The following RADIL variants were observed in gnomAD, a reference collection of about 807,000 sequenced individuals.
RADIL encodes the protein ras-associating and dilute domain-containing protein.
Under a neutral mutation model 97.6 loss-of-function variants are expected in RADIL, and 99 were observed. The ratio of observed to expected loss-of-function variants is 1.01; its 90% CI spans 0.86 to 1.20. The LOEUF is 1.20. Ranked by LOEUF, RADIL falls within the 50% of genes most tolerant of loss-of-function variation. The pLI, the probability that RADIL is intolerant of heterozygous loss-of-function variation, is 0.00. For missense variants in RADIL, 1,765 were observed against 1,498.9 expected, an observed-to-expected ratio of 1.18 and a Z score of -2.93; for synonymous variants, 803 against 691.8, an observed-to-expected ratio of 1.16 and a Z score of -2.52.
Position 4,799,486 on chromosome 7 carries a change from GA to G in RADIL, c.3123-4del. Reference sequence around the variant, plus strand: ...CATGACGGATCAGGTCCACAGCTCTGAAATCCATGCCAGAGGTGGGGGTGGG... The same window carrying G: ...CATGACGGATCAGGTCCACAGCTCTGAATCCATGCCAGAGGTGGGGGTGGG... On this transcript the variant is annotated splice_polypyrimidine_tract_variant and splice_region_variant and intron_variant, in intron 14 of 14. Coordinates refer to ENST00000399583, the MANE Select transcript of RADIL (RefSeq NM_018059.5). 1 of 1,613,924 alleles carries G rather than the reference GA, an allele frequency of 6.2e-7. No individual in the cohort carries two copies. The highest frequency in any genetic ancestry group is 8.5e-7 in the Non-Finnish European group (1 of 1,179,978).
At chr7:4,881,717 A>T (rs1175203075) in intron 1 of RADIL, among the ~76,000 whole-genome samples, 1 of 146,582 alleles carries the variant, frequency 6.8e-6, no homozygotes, top group Non-Finnish European at 1.5e-5. Flanking sequence ...ACAGAGTGAG[A>T]CTCCGTCTCA....
At position 4,817,504 on chromosome 7, in the gene RADIL, C is replaced by A. The variant is rs1782708961; in HGVS notation, c.1616-153G>T. ...GATAAACTGGCCGAGGGACTCTGGG[C>A]CCTGGCTGGGACGAGCGCAGCAAAC... On this transcript the variant is annotated intron_variant, in intron 6 of 14. Transcript: ENST00000399583. This position sits in a 1 kb window ranked among gnomAD's most constrained non-coding sequence, Gnocchi z 8.3. Among the ~76,000 whole-genome samples, 1 of 152,168 alleles carries A rather than the reference C, an allele frequency of 6.6e-6. No individual in the cohort carries two copies. Among genetic ancestry groups the A allele is most frequent in the South Asian group, 2.1e-4 (1 of 4,826 alleles).
In RADIL at chr7:4,815,585, C is replaced by G. The variant is rs1225933075; in HGVS notation, c.1967-135G>C. ...CACAGCTCGATGACAGGCAGGACACCTTCCCTCGGTTTTCAAGGCAACTGA... is the reference window on the plus strand; with the variant it reads ...CACAGCTCGATGACAGGCAGGACACGTTCCCTCGGTTTTCAAGGCAACTGA... On this transcript the variant is annotated intron_variant, in intron 8 of 14. Transcript: ENST00000399583. The surrounding 1 kb of genome is among the most constrained non-coding windows in gnomAD (Gnocchi z 8.0). The G allele has an allele frequency of 9.9e-7, 1 of 1,007,254 alleles. No individual in the cohort carries two copies. The highest frequency in any genetic ancestry group is 2.9e-5 in the East Asian group (1 of 34,434). The allele number at this position is 1,007,254 out of a possible 1,614,324, so 62.4% of individuals were successfully genotyped here. A position where few individuals can be genotyped will look rare whatever the true frequency, so the allele number is the denominator to read the frequency against.
intron 11 of RADIL, among the ~76,000 whole-genome samples, chr7:4,802,645 C>T (rs1273963443): frequency 7.8e-6 from 1 of 128,544 alleles, no homozygotes; most frequent in Non-Finnish European, 1.7e-5. Context: ...TCCCCGGGCA[C>T]CTCGGGGCAC....
chr7:4,857,357 C>G (rs1783858262), intron 2 of RADIL, among the ~76,000 whole-genome samples: 1 of 152,152 alleles, frequency 6.6e-6, no homozygotes, highest in African/African-American at 2.4e-5. Context: ...AAACAGCATA[C>G]AGTTGGACTT....
chr7:4,812,922 C>T (rs1195269226), intron 9 of RADIL, among the ~76,000 whole-genome samples: 1 of 152,190 alleles, frequency 6.6e-6, no homozygotes, highest in Non-Finnish European at 1.5e-5. Flanking sequence ...AAGGCTATAA[C>T]TTTTCCTCTT....
In RADIL at chr7:4,817,429, C is replaced by T. The variant is rs1469837476; in HGVS notation, c.1616-78G>A. On this transcript the variant is annotated intron_variant, in intron 6 of 14. Coordinates refer to ENST00000399583, the MANE Select transcript of RADIL (RefSeq NM_018059.5). This position sits in a 1 kb window ranked among gnomAD's most constrained non-coding sequence, Gnocchi z 8.3. ...GCAGCAACTCAGCCAGCCGCCAGCT[C>T]TTTCCCTGGCGCGGGCACCACCCAA... is the stretch of plus-strand genomic sequence containing the variant. 1.1e-5 allele frequency: 14 copies of T among 1,319,456 alleles called. No individual in the cohort carries two copies. The highest frequency in any genetic ancestry group is 1.5e-5 in the Non-Finnish European group (14 of 956,122). The allele number at this position is 1,319,456 out of a possible 1,614,324, so 81.7% of individuals were successfully genotyped here.
intron 5 of RADIL, among the ~76,000 whole-genome samples, chr7:4,827,115 A>C (rs1319334837): frequency 6.6e-6 from 1 of 152,184 alleles, no homozygotes; most frequent in Non-Finnish European, 1.5e-5. Flanking sequence ...CTGTCATCCC[A>C]GCACTTTGGG....
At chr7:4,832,741 CAAAAAAAA>C (rs71032992) in intron 4 of RADIL, among the ~76,000 whole-genome samples, 1 of 66,522 alleles carries the variant, frequency 1.5e-5, no homozygotes, top group African/African-American at 6.8e-5. Flanking sequence ...TCCGTCTCAG[CAAAAAAAA>C]AAAAAAAAAA....
At chr7:4,827,441 CCA>C (rs1323346940) in intron 5 of RADIL, among the ~76,000 whole-genome samples, 13 of 151,548 alleles carry the variant, frequency 8.6e-5, no homozygotes, top group Admixed American at 3.9e-4. Flanking sequence ...GGGCGGGTCA[CCA>C]GAGGTCAGGC....
At position 4,877,888 on chromosome 7, in the gene RADIL, G is replaced by C. The variant is rs373825015; in HGVS notation, c.252C>G (p.Thr84=). 8 of 1,605,384 alleles carry C rather than the reference G, an allele frequency of 5.0e-6. No individual in the cohort carries two copies. The Admixed American group carries it at 6.7e-5, about 13-fold the overall frequency. ...CCAGCTCACGGGCGCTGGAGGTGCC[G>C]GTGGCCAGGACGCTCTTGTAGTGGG... ...TGTHYKSVLA[T]GTSSARELVK... The change falls in exon 2 of 15, where the codon ACC becomes ACG. Residue 84 remains threonine, a synonymous_variant. Transcript: ENST00000399583.
intron 2 of RADIL, among the ~76,000 whole-genome samples, chr7:4,855,169 C>T (rs1783796155): frequency 6.6e-6 from 1 of 152,186 alleles, no homozygotes; most frequent in Non-Finnish European, 1.5e-5. Context: ...GCCATTCCCT[C>T]ATTGATGGAT....
intron 9 of RADIL, among the ~76,000 whole-genome samples, chr7:4,810,652 C>A (rs946209567): frequency 6.6e-6 from 1 of 152,230 alleles, no homozygotes; most frequent in Non-Finnish European, 1.5e-5. Context: ...GAAGCATCTC[C>A]GTCGGGGAAA....
intron 2 of RADIL, among the ~76,000 whole-genome samples, chr7:4,866,919 C>G (rs73318113): frequency 0.089 from 13,580 of 152,162 alleles, 1,018 homozygotes; most frequent in African/African-American, 0.2. Context: ...AAGACCAGAT[C>G]GAGAATGGAT....
rs751101261 is a variant in RADIL at position 4,836,358 on chromosome 7, G to C, written c.783C>G (p.His261Gln). The change falls in exon 3 of 15, where the codon CAC becomes CAG. Residue 261 changes from histidine to glutamine, a missense_variant and splice_region_variant. Transcript: ENST00000399583. ...LLLLQGYSQQ[H>Q]DSLVYVLNRD... ...GTGGGTGTCAGGAGGGGAGGCTCAC[G>C]TGCTGCTGGCTGTAGCCCTGCAGAA... 51 of 1,570,732 alleles carry C rather than the reference G, an allele frequency of 3.2e-5. No homozygotes were observed. The highest frequency in any genetic ancestry group is 4.2e-5 in the Non-Finnish European group (49 of 1,157,796).
chr7:4,835,065 T>G lies in RADIL; in HGVS notation c.958A>C (p.Ile320Leu). ...QAAGRLVLEPIPGAHISVNFS... is the reference protein window; with the variant it reads ...QAAGRLVLEPLPGAHISVNFS... Reference sequence around the variant, plus strand: ...TTGACGGAGATGTGCGCCCCGGGGATGGGCTCCAGGACCAGCCTCCCCGCG... The same window carrying G: ...TTGACGGAGATGTGCGCCCCGGGGAGGGGCTCCAGGACCAGCCTCCCCGCG... The change falls in exon 4 of 15, where the codon ATC (isoleucine) becomes CTC (leucine). Residue 320 changes from isoleucine (I) to leucine (L), a missense_variant. By Grantham distance (5) the Ile-to-Leu change is conservative (BLOSUM62 2). Coordinates refer to ENST00000399583, the MANE Select transcript of RADIL (RefSeq NM_018059.5). This position sits in a 1 kb window ranked among gnomAD's most constrained non-coding sequence, Gnocchi z 5.8. 1 of 1,608,036 alleles carries G rather than the reference T, an allele frequency of 6.2e-7. No individual in the cohort carries two copies. Among genetic ancestry groups the G allele is most frequent in the Non-Finnish European group, 8.5e-7 (1 of 1,177,790 alleles).
rs200778424 is a variant in RADIL at position 4,817,323 on chromosome 7, C to T, written c.1644G>A (p.Thr548=). The T allele has an allele frequency of 2.4e-5, 39 of 1,612,360 alleles. No individual in the cohort carries two copies. The highest frequency in any genetic ancestry group is 2.0e-4 in the Admixed American group (12 of 59,988). Residue 548 remains threonine, a synonymous_variant, in exon 7 of 15, where the codon ACG becomes ACA. Coordinates refer to ENST00000399583, the MANE Select transcript of RADIL (RefSeq NM_018059.5). The surrounding 1 kb of genome is among the most constrained non-coding windows in gnomAD (Gnocchi z 8.3). The part of the protein sequence containing the change: ...TGSKESLFSC[T]LTASEEAMAV... The stretch of plus-strand genomic sequence containing the variant: ...CCATGGCCTCCTCGCTGGCCGTCAG[C>T]GTGCAGGAGAACAGCGATTCCTTCG...
At chr7:4,860,488 C>T in intron 2 of RADIL, 1 of 1,614,076 alleles carries the variant, frequency 6.2e-7, no homozygotes. Flanking sequence ...TTAGCCCTAA[C>T]CCAATCACCC....
intron 2 of RADIL, among the ~76,000 whole-genome samples, chr7:4,850,170 AT>A (rs1275910305): frequency 2.5e-5 from 3 of 120,938 alleles, no homozygotes; most frequent in Non-Finnish European, 5.1e-5. Flanking sequence ...TTTTCTTTTT[AT>A]TTTTTTCTTC....
Sources: allele counts gnomAD v4.1 joint callset (sites outside exome capture counted in the v4.1 genomes callset), GRCh38; gene constraint gnomAD v4.1.1; non-coding constraint Gnocchi (gnomAD v3.1); transcripts MANE v1.5; gene names NCBI Gene and HGNC (gene_info 2026-07-23, HGNC 2026-07-21).